Variants in GPR108 observed in about 807,000 individuals in gnomAD.
GPR108 encodes protein GPR108.
A neutral mutation model predicts 74.3 loss-of-function variants in GPR108; 60 were observed. The observed-to-expected ratio is 0.81, with a 90% CI of 0.66 to 1.00. GPR108 has a LOEUF of 1.00. Among genes scored for constraint, GPR108 ranks in the 50% least tolerant of loss-of-function variants. The pLI is 0.00. For synonymous variants in GPR108, 311 were observed against 292.4 expected, an observed-to-expected ratio of 1.06 and a Z score of -0.65; for missense variants, 667 against 703.3, an observed-to-expected ratio of 0.95 and a Z score of 0.58.
chr19:6,735,532 C>T lies in GPR108; in HGVS notation c.374+90G>A. 2.7e-6 allele frequency: 3 copies of T among 1,106,508 alleles called. No homozygotes were observed. In the South Asian group the frequency reaches 4.1e-5, roughly 15 times the overall value. 68.5% of individuals were successfully genotyped at this position (1,106,508 alleles called of 1,614,324 possible). A position where few individuals can be genotyped will look rare whatever the true frequency, so the allele number is the denominator to read the frequency against. ...TAAGTGGCTTTCTCTCTCTGCTTCT[C>T]ATCCCACCTGATCAGCCCAGGTGCG... On this transcript the variant is annotated intron_variant, in intron 4 of 17. Transcript: ENST00000264080.
In GPR108 at chr19:6,732,233, G is replaced by A. The variant is rs780330536; in HGVS notation, c.1125+30C>T. 32 of 1,611,212 alleles carry A rather than the reference G, an allele frequency of 2.0e-5. No homozygotes were observed. The Admixed American group carries it at 2.5e-4, about 13-fold the overall frequency. Reference sequence around the variant, plus strand: ...CCCACTGCCCTGTGCAGCCCTCCCCGCCCTGCTCCGGAGGCTGCTCCATCC... The same window carrying A: ...CCCACTGCCCTGTGCAGCCCTCCCCACCCTGCTCCGGAGGCTGCTCCATCC... On this transcript the variant is annotated intron_variant, in intron 12 of 17. Transcript: ENST00000264080.
At chr19:6,730,529 G>A (rs954027931) in intron 17 of GPR108, 145 bp from the exon 18 acceptor site, 6 of 667,948 alleles carry the variant, frequency 9.0e-6, no homozygotes, top group Non-Finnish European at 1.6e-5. Context: ...CACCCAGGCT[G>A]CACCCACCTC....
intron 4 of GPR108, 75 bp from the exon 5 acceptor site, chr19:6,734,382 C>A: frequency 6.9e-7 from 1 of 1,439,056 alleles, no homozygotes; most frequent in Non-Finnish European, 9.5e-7. Context: ...GACTCAGTGG[C>A]CCCTTGGACC....
intron 2 of GPR108, 116 bp from the exon 3 acceptor site, chr19:6,736,074 A>G (rs1968622582): frequency 1.0e-5 from 9 of 867,216 alleles, no homozygotes; most frequent in Non-Finnish European, 1.4e-5. Context: ...AACATGTGCT[A>G]GATCCCACAC....
At chr19:6,737,351 A>G in intron 1 of GPR108, 106 bp downstream of exon 1, 1 of 1,340,524 alleles carries the variant, frequency 7.5e-7, no homozygotes, top group Non-Finnish European at 9.8e-7. Flanking sequence ...GGACCACTCC[A>G]CCGCCTCGGG....
chr19:6,737,521 T>C lies in GPR108; in HGVS notation c.56A>G (p.Gln19Arg), dbSNP rs1968689696. The part of the protein sequence containing the change: ...LGRGSPAEWG[Q>R]RLLLVLLLGG... Reference sequence around the variant, plus strand: ...CAGCAGCAGCACCAGAAGTAGCCGCTGCCCCCACTCCGCGGGGCTCCCGCG... The same window carrying C: ...CAGCAGCAGCACCAGAAGTAGCCGCCGCCCCCACTCCGCGGGGCTCCCGCG... The change falls in exon 1 of 18, where the codon CAG becomes CGG. Residue 19 changes from glutamine to arginine, a missense_variant. Gln to Arg is a conservative substitution (Grantham distance 43, BLOSUM62 1). Transcript: ENST00000264080. 6.4e-7 allele frequency: 1 copy of C among 1,573,502 alleles called. No homozygotes were observed. Among genetic ancestry groups the C allele is most frequent in the South Asian group, 1.1e-5 (1 of 88,418 alleles).
At position 6,732,116 on chromosome 19, in the gene GPR108, C is replaced by T. The variant is rs373940895; in HGVS notation, c.1165G>A (p.Glu389Lys). The change falls in exon 13 of 18, where the codon GAG becomes AAG. Residue 389 changes from glutamate (E) to lysine (K), a missense_variant. Glu to Lys is a moderately conservative substitution (Grantham distance 56). Transcript: ENST00000264080. ...AGCACGTAGTCGCTGGCGCCTTCCT[C>T]GCGGGACTCGATGATGATGTAGGCC... is the stretch of plus-strand genomic sequence containing the variant. Reference protein sequence around the residue: ...NVAYIIIESREEGASDYVLWK... With the variant: ...NVAYIIIESRKEGASDYVLWK... The T allele has an allele frequency of 3.4e-5, 55 of 1,613,854 alleles. No homozygotes were observed. The African/African-American group carries it at 5.1e-4, about 15-fold the overall frequency.
chr19:6,732,710 GA>G (rs1471355561), intron 10 of GPR108, 161 bp from the exon 11 acceptor site: 2 of 678,648 alleles, frequency 2.9e-6, no homozygotes, highest in Non-Finnish European at 5.2e-6. Context: ...AATCGGGGCT[GA>G]AAAAATGGAG....
At chr19:6,736,567 C>T in intron 2 of GPR108, 25 bp downstream of exon 2, 1 of 1,606,776 alleles carries the variant, frequency 6.2e-7, no homozygotes, top group South Asian at 1.1e-5. Context: ...TGCTCTCCTC[C>T]AGCAAACTCC....
Position 6,730,137 on chromosome 19 carries a change from T to C in GPR108, c.*175A>G. The C allele has an allele frequency of 1.6e-6, 1 of 636,122 alleles. No individual in the cohort carries two copies. Among genetic ancestry groups the C allele is most frequent in the South Asian group, 1.8e-5 (1 of 54,548 alleles). 39.4% of individuals were successfully genotyped at this position (636,122 alleles called of 1,614,324 possible). ...GGTAAGGACAGGGCTGCCCAATATT[T>C]GGGGGGAGGAAGGGACTCTTCTTCC... On this transcript the variant is annotated 3_prime_UTR_variant, in exon 18 of 18. Coordinates refer to ENST00000264080, the MANE Select transcript of GPR108 (RefSeq NM_001080452.2).
chr19:6,731,418 C>A, intron 15 of GPR108, 55 bp downstream of exon 15: 1 of 1,499,766 alleles, frequency 6.7e-7, no homozygotes. Context: ...CTGGGGTGGG[C>A]GTGCAGCAGG....
intron 4 of GPR108, chr19:6,735,347 G>T: frequency 2.7e-6 from 1 of 373,932 alleles, no homozygotes; most frequent in Non-Finnish European, 4.9e-6. Context: ...GTGTATTAAA[G>T]CTCCGGGACA....
At chr19:6,730,916 C>A in intron 17 of GPR108, 71 bp downstream of exon 17, 3 of 1,329,200 alleles carry the variant, frequency 2.3e-6, no homozygotes, top group Non-Finnish European at 3.2e-6. Flanking sequence ...CCTGCCCACC[C>A]TGCCCGTAGA....
At chr19:6,730,940 T>G (rs537511551) in intron 17 of GPR108, 47 bp downstream of exon 17, 4 of 332,630 alleles carry the variant, frequency 1.2e-5, no homozygotes, top group Admixed American at 5.3e-5. Flanking sequence ...GCCCACCCCC[T>G]ACTCCACCCC....
At chr19:6,731,415 G>T in intron 15 of GPR108, 58 bp downstream of exon 15, 1 of 1,498,316 alleles carries the variant, frequency 6.7e-7, no homozygotes, top group East Asian at 2.3e-5. Flanking sequence ...GGGCTGGGGT[G>T]GGCGTGCAGC....
intron 1 of GPR108, chr19:6,737,235 C>T: frequency 1.8e-6 from 1 of 561,736 alleles, no homozygotes; most frequent in Non-Finnish European, 3.0e-6. Context: ...GCCTCGCCCC[C>T]GAAGGGAGGG....
At position 6,730,283 on chromosome 19, in the gene GPR108, C is replaced by T; in HGVS notation, c.*29G>A. On this transcript the variant is annotated 3_prime_UTR_variant, in exon 18 of 18. Transcript: ENST00000264080. ...AGGAGTGAGAAATGCTGGGGGAGGA[C>T]GACCCTTTGGTCTGAGATGTGGAGG... The T allele has an allele frequency of 6.2e-7, 1 of 1,600,422 alleles. No individual in the cohort carries two copies. Among genetic ancestry groups the T allele is most frequent in the East Asian group, 2.2e-5 (1 of 44,836 alleles).
Position 6,730,276 on chromosome 19 carries a change from G to T in GPR108, c.*36C>A. ...GAAGGGCAGGAGTGAGAAATGCTGG[G>T]GGAGGACGACCCTTTGGTCTGAGAT... On this transcript the variant is annotated 3_prime_UTR_variant, in exon 18 of 18. Coordinates refer to ENST00000264080, the MANE Select transcript of GPR108 (RefSeq NM_001080452.2). The T allele has an allele frequency of 1.3e-6, 2 of 1,581,330 alleles. No homozygotes were observed. Among genetic ancestry groups the T allele is most frequent in the South Asian group, 1.1e-5 (1 of 90,406 alleles).
At position 6,736,576 on chromosome 19, in the gene GPR108, C is replaced by T. The variant is rs1031040481; in HGVS notation, c.240+16G>A. ...GCACCGTGCTCTCCTCCAGCAAACT[C>T]CTCAAGGTCCCTCACCAGCAGGGAC... On this transcript the variant is annotated intron_variant, in intron 2 of 17. Transcript: ENST00000264080. The T allele has an allele frequency of 1.2e-6, 2 of 1,610,730 alleles. No homozygotes were observed. Among genetic ancestry groups the T allele is most frequent in the Non-Finnish European group, 1.7e-6 (2 of 1,178,566 alleles).
Sources: allele counts gnomAD v4.1 joint callset, GRCh38; gene constraint gnomAD v4.1.1; transcripts MANE v1.5; gene names NCBI Gene and HGNC (gene_info 2026-07-23, HGNC 2026-07-21).